GALNT13: variants seen among roughly 807,000 people sequenced by gnomAD.
GALNT13 encodes UDP-GalNAc:polypeptide N-acetylgalactosaminyltransferase 13.
A neutral mutation model predicts 64.2 loss-of-function variants in GALNT13; 28 were observed. The ratio of observed to expected loss-of-function variants is 0.44; its 90% CI spans 0.32 to 0.60. GALNT13 has a LOEUF of 0.60. Ranked by LOEUF, GALNT13 falls within the 20% of genes least tolerant of loss-of-function variation. GALNT13 has a pLI of 0.05. For missense variants in GALNT13, 577 were observed against 669.8 expected, an observed-to-expected ratio of 0.86 and a Z score of 1.53; for synonymous variants, 214 against 224.6, an observed-to-expected ratio of 0.95 and a Z score of 0.42.
At chr2:153,113,119 A>C in the GALNT13 span, among the ~76,000 whole-genome samples, 5 of 152,140 alleles carry the variant, frequency 3.3e-5, no homozygotes, top group Admixed American at 2.0e-4. Context: ...AAACATGTTT[A>C]CATAAATACG....
chr2:154,097,470 C>T (rs1289718931), intron 3 of GALNT13, among the ~76,000 whole-genome samples: 3 of 152,016 alleles, frequency 2.0e-5, no homozygotes, highest in Non-Finnish European at 2.9e-5. Context: ...TGTTTCTGTA[C>T]TTATCTTGAT....
At chr2:153,948,464 C>T (rs1691932445) in intron 3 of GALNT13, among the ~76,000 whole-genome samples, 1 of 151,944 alleles carries the variant, frequency 6.6e-6, no homozygotes, top group Non-Finnish European at 1.5e-5. Flanking sequence ...CATCAGAGAC[C>T]TAAAGACAGA....
chr2:153,231,858 T>C, the GALNT13 span, among the ~76,000 whole-genome samples: 1 of 151,848 alleles, frequency 6.6e-6, no homozygotes, highest in Non-Finnish European at 1.5e-5. Context: ...AAGAAAGGGA[T>C]GTTTAATTTA....
the GALNT13 span, among the ~76,000 whole-genome samples, chr2:153,259,230 T>C: frequency 1.3e-5 from 2 of 152,222 alleles, no homozygotes; most frequent in Non-Finnish European, 1.5e-5. Context: ...TTGTCTGAAA[T>C]AAGTATAGCT....
At chr2:153,264,673 A>C in the GALNT13 span, among the ~76,000 whole-genome samples, 1 of 152,364 alleles carries the variant, frequency 6.6e-6, no homozygotes, top group African/African-American at 2.4e-5. Context: ...TATCCTCAGC[A>C]GACTAATGCA....
At chr2:154,292,572 G>GA (rs1333946419) in intron 8 of GALNT13, among the ~76,000 whole-genome samples, 1 of 152,110 alleles carries the variant, frequency 6.6e-6, no homozygotes, top group African/African-American at 2.4e-5. Context: ...CCAAATCACA[G>GA]AAAAATGACA....
intron 9 of GALNT13, among the ~76,000 whole-genome samples, chr2:154,384,021 G>A (rs1698397398): frequency 6.6e-6 from 1 of 151,796 alleles, no homozygotes; most frequent in Non-Finnish European, 1.5e-5. Flanking sequence ...TACTGTTTTA[G>A]GAACTGAATG....
intron 4 of GALNT13, among the ~76,000 whole-genome samples, chr2:154,170,933 A>G (rs960214734): frequency 1.3e-5 from 2 of 152,206 alleles, no homozygotes; most frequent in African/African-American, 4.8e-5. Context: ...AGAAGCTTTC[A>G]ATGCAGAAGT....
At chr2:154,431,968 G>A (rs1401772031) in intron 11 of GALNT13, among the ~76,000 whole-genome samples, 1 of 152,130 alleles carries the variant, frequency 6.6e-6, no homozygotes, top group Non-Finnish European at 1.5e-5. Context: ...CCCAGTCTTA[G>A]GTATGTCCTT....
At chr2:153,837,007 C>A in the GALNT13 span, among the ~76,000 whole-genome samples, 2 of 151,458 alleles carry the variant, frequency 1.3e-5, no homozygotes, top group African/African-American at 2.4e-5. Flanking sequence ...ACTTATAGTC[C>A]TTTGGGTATA....
chr2:153,074,035 C>T, the GALNT13 span, among the ~76,000 whole-genome samples: 1 of 152,110 alleles, frequency 6.6e-6, no homozygotes, highest in African/African-American at 2.4e-5. Flanking sequence ...GATTCAAGTT[C>T]AAATATTTTA....
chr2:154,416,404 A>G lies in GALNT13; in HGVS notation c.1395+7322A>G, dbSNP rs572795880. Among the ~76,000 whole-genome samples the G allele has an allele frequency of 2.0e-5, 3 of 151,698 alleles. No homozygotes were observed. The South Asian group carries it at 6.2e-4, about 31-fold the overall frequency. On this transcript the variant is annotated intron_variant, in intron 11 of 12. Transcript: ENST00000392825. ...GGACACTAATCTCATTCCTCGGGGC[A>G]GAGACTTCATGACTTGATCACCTTC...
At chr2:153,533,723 CTTTTTT>C in the GALNT13 span, among the ~76,000 whole-genome samples, 44 of 48,724 alleles carry the variant, frequency 9.0e-4, no homozygotes, top group African/African-American at 2.5e-3. Context: ...TGAGGTTTTT[CTTTTTT>C]TTTTTTTTTT....
At chr2:154,163,835 C>T (rs1057498160) in intron 4 of GALNT13, among the ~76,000 whole-genome samples, 2 of 152,122 alleles carry the variant, frequency 1.3e-5, no homozygotes, top group Non-Finnish European at 2.9e-5. Flanking sequence ...TTCAGGATAA[C>T]ATTTCTAAAA....
chr2:153,292,281 G>A, the GALNT13 span, among the ~76,000 whole-genome samples: 4 of 143,190 alleles, frequency 2.8e-5, no homozygotes, highest in Admixed American at 2.8e-4. Context: ...TCTTGTCTGA[G>A]AAAAGAAGAA....
chr2:154,348,428 G>A (rs1025412954), intron 9 of GALNT13, among the ~76,000 whole-genome samples: 15 of 151,786 alleles, frequency 9.9e-5, no homozygotes, highest in African/African-American at 3.6e-4. Flanking sequence ...TGCTTTGGTT[G>A]GTTGGTTGGT....
the GALNT13 span, among the ~76,000 whole-genome samples, chr2:153,118,962 G>C: frequency 1.3e-5 from 2 of 152,138 alleles, no homozygotes; most frequent in African/African-American, 2.4e-5. Context: ...TGAATCATGG[G>C]AGTGGTTACC....
chr2:153,237,492 C>T, the GALNT13 span, among the ~76,000 whole-genome samples: 1 of 151,864 alleles, frequency 6.6e-6, no homozygotes, highest in Non-Finnish European at 1.5e-5. Context: ...CCTTCTCAGC[C>T]TCTGGTAACC....
At chr2:154,291,544 A>T (rs1409960536) in intron 8 of GALNT13, among the ~76,000 whole-genome samples, 1 of 152,188 alleles carries the variant, frequency 6.6e-6, no homozygotes, top group African/African-American at 2.4e-5. Flanking sequence ...CAGCCCAGAG[A>T]GAGCTTGTCC....
Sources: allele counts gnomAD v4.1 joint callset (sites outside exome capture counted in the v4.1 genomes callset), GRCh38; gene constraint gnomAD v4.1.1; transcripts MANE v1.5; gene names NCBI Gene and HGNC (gene_info 2026-07-23, HGNC 2026-07-21).